The following TIAM1 variants were observed in gnomAD, a reference collection of about 807,000 sequenced individuals.
TIAM1 encodes TIAM Rac1 associated GEF 1.
A neutral mutation model predicts 163.5 loss-of-function variants in TIAM1; 65 were observed. The ratio of observed to expected loss-of-function variants is 0.40; its 90% CI spans 0.33 to 0.49. TIAM1 has a LOEUF of 0.49. Among genes scored for constraint, TIAM1 ranks in the 20% least tolerant of loss-of-function variants. The pLI is 0.77. For synonymous variants in TIAM1, 833 were observed against 810.1 expected (o/e 1.03, Z -0.48); for missense variants, 1,789 against 2,044.7 (o/e 0.87, Z 2.41).
chr21:31,538,893 C>T (rs1347727526), intron 1 of TIAM1, among the ~76,000 whole-genome samples: 2 of 152,072 alleles, frequency 1.3e-5, no homozygotes, highest in South Asian at 2.1e-4. Context: ...CACGCATCGT[C>T]CCTGCACGGC....
At position 31,141,115 on chromosome 21, in the gene TIAM1, C is replaced by A; in HGVS notation, c.3774+3G>T. The A allele has an allele frequency of 6.2e-7, 1 of 1,610,564 alleles. No individual in the cohort carries two copies. Reference sequence around the variant, plus strand: ...GATGTCCTGAGAAGATGGGGACCCTCACCTCTTTTTTCTCACCAGTCTGTT... The same window carrying A: ...GATGTCCTGAGAAGATGGGGACCCTAACCTCTTTTTTCTCACCAGTCTGTT... On this transcript the variant is annotated splice_donor_region_variant and intron_variant, in intron 22 of 27. Transcript: ENST00000541036. The surrounding 1 kb of genome is among the most constrained non-coding windows in gnomAD (Gnocchi z 4.7).
intron 2 of TIAM1, among the ~76,000 whole-genome samples, chr21:31,422,975 G>GTC (rs957573950): frequency 5.5e-5 from 8 of 144,990 alleles, no homozygotes; most frequent in East Asian, 2.1e-4. Flanking sequence ...TACAGGCCCA[G>GTC]TCTCTCTCTC....
intron 1 of TIAM1, among the ~76,000 whole-genome samples, chr21:31,468,864 C>T (rs988407288): frequency 6.6e-6 from 1 of 151,702 alleles, no homozygotes; most frequent in African/African-American, 2.4e-5. Flanking sequence ...GGGATCTGTG[C>T]CTGGGAGGCT....
chr21:31,439,641 C>T (rs2044348481), intron 2 of TIAM1, among the ~76,000 whole-genome samples: 2 of 152,044 alleles, frequency 1.3e-5, no homozygotes, highest in Admixed American at 1.3e-4. Flanking sequence ...CGAAATGATC[C>T]CCAGAAGAAA....
intron 2 of TIAM1, among the ~76,000 whole-genome samples, chr21:31,462,847 A>T (rs960890960): frequency 4.0e-5 from 6 of 150,670 alleles, no homozygotes; most frequent in African/African-American, 1.5e-4. Flanking sequence ...GGTTCAAGCC[A>T]TTCTCCTGCC....
chr21:31,153,070 T>A lies in TIAM1; in HGVS notation c.3236A>T (p.Asp1079Val). Residue 1079 changes from aspartate (D) to valine (V), a missense_variant, in exon 18 of 28, where the codon GAT becomes GTT. Asp to Val is a radical substitution (Grantham distance 152). This residue lies in a region of TIAM1 where 303 missense variants were observed against 321.3 expected (regional missense o/e 0.94). Transcript: ENST00000541036. ...PLQKETFLTQ[D>V]ELDVLFGNLT... ...TTGAAACCATTTCCAGCATACCTCA[T>A]CCTGGGTGAGAAAAGTTTCTTTTTG... 2 of 1,613,622 alleles carry A rather than the reference T, an allele frequency of 1.2e-6. No individual in the cohort carries two copies. Among genetic ancestry groups the A allele is most frequent in the Non-Finnish European group, 1.7e-6 (2 of 1,179,842 alleles).
intron 19 of TIAM1, among the ~76,000 whole-genome samples, chr21:31,149,751 TCTAA>T (rs945263176): frequency 2.0e-5 from 3 of 152,206 alleles, no homozygotes; most frequent in African/African-American, 4.8e-5. Context: ...TTTTTGTTTA[TCTAA>T]CTACCAGGCC....
At chr21:31,243,881 T>G (rs552957224) in intron 6 of TIAM1, among the ~76,000 whole-genome samples, 1 of 152,268 alleles carries the variant, frequency 6.6e-6, no homozygotes, top group South Asian at 2.1e-4. Flanking sequence ...AGCAAAACTA[T>G]CCTTCAAAAA....
At chr21:31,285,009 A>G (rs1209763925) in intron 2 of TIAM1, among the ~76,000 whole-genome samples, 3 of 151,938 alleles carry the variant, frequency 2.0e-5, no homozygotes, top group Non-Finnish European at 4.4e-5. Context: ...GCAACCTGCA[A>G]TTTCCCTGAT....
At chr21:31,458,566 A>G (rs944041095) in intron 2 of TIAM1, among the ~76,000 whole-genome samples, 3 of 152,172 alleles carry the variant, frequency 2.0e-5, no homozygotes, top group Non-Finnish European at 2.9e-5. Flanking sequence ...ACACTGTCCA[A>G]CTGAAGAATT....
intron 2 of TIAM1, among the ~76,000 whole-genome samples, chr21:31,363,424 G>C (rs191912422): frequency 6.6e-6 from 1 of 151,506 alleles, no homozygotes; most frequent in African/African-American, 2.4e-5. Context: ...TTTTTTTTCT[G>C]GGTTTTTTAA....
At chr21:31,328,749 C>T (rs771336354) in intron 2 of TIAM1, among the ~76,000 whole-genome samples, 2 of 151,764 alleles carry the variant, frequency 1.3e-5, no homozygotes, top group Non-Finnish European at 2.9e-5. Flanking sequence ...TGTGATGCTC[C>T]CCTCCCTGTG....
intron 6 of TIAM1, among the ~76,000 whole-genome samples, chr21:31,228,336 G>C (rs1353289741): frequency 6.9e-6 from 1 of 145,702 alleles, no homozygotes; most frequent in Non-Finnish European, 1.5e-5. Context: ...CCTATGCACT[G>C]CTGGCCACTG....
rs1569031630 is a variant in TIAM1 at position 31,210,614 on chromosome 21, GGAGA to G, written c.2218-403_2218-400del. ...AGAAAGAGAGAAAGAAGGAAGGAAG[GGAGA>G]AAGAAAGAAAGAAAGAAAGAAAGAA... On this transcript the variant is annotated intron_variant, in intron 10 of 27. Coordinates refer to ENST00000541036, the MANE Select transcript of TIAM1 (RefSeq NM_001353694.2). 5.2e-4 allele frequency among the ~76,000 whole-genome samples: 25 copies of G among 48,516 alleles called. 1 individual carries two copies. The highest frequency in any genetic ancestry group is 2.0e-3 in the African/African-American group (22 of 11,064). The allele number at this position is 48,516 out of a possible 152,430, so 31.8% of individuals were successfully genotyped here.
chr21:31,544,237 T>G (rs2048413765), intron 1 of TIAM1, among the ~76,000 whole-genome samples: 1 of 146,750 alleles, frequency 6.8e-6, no homozygotes, highest in Admixed American at 6.8e-5. Flanking sequence ...TAAATAAAAA[T>G]AGGCCACTTG....
intron 2 of TIAM1, among the ~76,000 whole-genome samples, chr21:31,414,064 C>A (rs946788046): frequency 2.0e-5 from 3 of 152,220 alleles, no homozygotes; most frequent in Admixed American, 2.0e-4. Flanking sequence ...CAACTCTGTA[C>A]TTCATTCCCT....
At chr21:31,160,110 C>T (rs1405200023) in intron 16 of TIAM1, among the ~76,000 whole-genome samples, 1 of 152,132 alleles carries the variant, frequency 6.6e-6, no homozygotes, top group African/African-American at 2.4e-5. Context: ...CAATCAAAAT[C>T]TCAATAACCA....
intron 2 of TIAM1, among the ~76,000 whole-genome samples, chr21:31,415,130 T>A (rs1190551847): frequency 6.6e-6 from 1 of 152,144 alleles, no homozygotes; most frequent in Non-Finnish European, 1.5e-5. Context: ...TGGGAGAGCC[T>A]CAGCTATAGA....
At chr21:31,130,155 A>C (rs922108973) in intron 25 of TIAM1, 58 bp downstream of exon 25, 3 of 1,478,668 alleles carry the variant, frequency 2.0e-6, no homozygotes, top group Middle Eastern at 1.7e-4. Flanking sequence ...TCAAACAAAT[A>C]ATTCCTACAC....
Sources: allele counts gnomAD v4.1 joint callset (sites outside exome capture counted in the v4.1 genomes callset), GRCh38; gene constraint gnomAD v4.1.1; regional missense constraint gnomAD v4.1.1; non-coding constraint Gnocchi (gnomAD v3.1); transcripts MANE v1.5; gene names NCBI Gene and HGNC (gene_info 2026-07-23, HGNC 2026-07-21).